FHOD3: variants seen among roughly 807,000 people sequenced by gnomAD.
FHOD3 encodes the protein formin homology 2 domain containing 3.
FHOD3 carries 90 observed loss-of-function variants against 173.0 expected under a neutral mutation model. The ratio of observed to expected loss-of-function variants is 0.52; its 90% CI spans 0.44 to 0.62. The LOEUF is 0.62. FHOD3 is among the 20% of genes least tolerant of loss of function. The probability of loss-of-function intolerance (pLI) is 0.00; values close to 1 mark genes in which losing one functional copy is unlikely to be tolerated. For missense variants in FHOD3, 1,945 were observed against 2,034.7 expected (o/e 0.96, Z 0.85); for synonymous variants, 828 against 823.0 (o/e 1.01, Z -0.10).
At position 36,652,694 on chromosome 18, in the gene FHOD3, G is replaced by A. The variant is rs72895597; in HGVS notation, c.1411G>A (p.Gly471Arg). Residue 471 changes from glycine (G) to arginine (R), a missense_variant, in exon 12 of 29, where the codon GGG becomes AGG. Gly to Arg is a moderately radical substitution (Grantham distance 125). This residue lies in a region of FHOD3 where 1,099 missense variants were observed against 1,051.2 expected (regional missense o/e 1.05). Transcript: ENST00000590592. ...GCCGCTTCTGGTTGGCACTGCAGGC[G>A]GGACCACCTGGCACAGTGGGTCCTC... The part of the protein sequence containing the change: ...GKPLLVGTAG[G>R]TTWHSGSSGS... The A allele has an allele frequency of 0.16, 246,393 of 1,535,556 alleles. 22,052 individuals are homozygous for A. The highest frequency in any genetic ancestry group is 0.18 in the Non-Finnish European group (209,486 of 1,146,636).
At chr18:36,641,309 T>G (rs2035289111) in intron 10 of FHOD3, among the ~76,000 whole-genome samples, 1 of 152,138 alleles carries the variant, frequency 6.6e-6, no homozygotes, top group South Asian at 2.1e-4. Flanking sequence ...TGTGTAAGGC[T>G]AGGGTGAGGA....
chr18:36,431,926 G>A (rs2050573503), intron 3 of FHOD3, among the ~76,000 whole-genome samples: 2 of 152,158 alleles, frequency 1.3e-5, no homozygotes, highest in Admixed American at 1.3e-4. Context: ...CATCACATGT[G>A]GTACCTGTCC....
intron 3 of FHOD3, among the ~76,000 whole-genome samples, chr18:36,447,514 T>C (rs2051565240): frequency 6.6e-6 from 1 of 152,062 alleles, no homozygotes; most frequent in Non-Finnish European, 1.5e-5. Flanking sequence ...TTTCCCCCAA[T>C]AGGGTGGCAA....
chr18:36,455,229 C>A lies in FHOD3; in HGVS notation c.338-46703C>A, dbSNP rs1178305564. On this transcript the variant is annotated intron_variant, in intron 3 of 28. Coordinates refer to ENST00000590592, the MANE Select transcript of FHOD3 (RefSeq NM_001281740.3). The stretch of plus-strand genomic sequence containing the variant: ...AATTACTCCATACCTTTCCACTCTG[C>A]AGATATCCTGCAGCAAACCTTCCTC... Among the ~76,000 whole-genome samples the A allele has an allele frequency of 2.0e-5, 3 of 152,324 alleles. No individual in the cohort carries two copies. The East Asian group carries it at 5.8e-4, about 29-fold the overall frequency.
At chr18:36,704,209 C>T (rs1301427680) in intron 17 of FHOD3, among the ~76,000 whole-genome samples, 2 of 152,210 alleles carry the variant, frequency 1.3e-5, no homozygotes, top group Non-Finnish European at 2.9e-5. Flanking sequence ...TGCAAGCCCT[C>T]GGAGCCAGGT....
At chr18:36,513,185 A>G (rs1291849711) in intron 5 of FHOD3, among the ~76,000 whole-genome samples, 1 of 151,796 alleles carries the variant, frequency 6.6e-6, no homozygotes, top group East Asian at 1.9e-4. Flanking sequence ...ATCCTGTAAA[A>G]AAAAAAAAAA....
At chr18:36,301,901 C>T (rs757138083) in intron 1 of FHOD3, among the ~76,000 whole-genome samples, 4 of 152,160 alleles carry the variant, frequency 2.6e-5, no homozygotes, top group Admixed American at 1.3e-4. Flanking sequence ...TTTTGTTGCC[C>T]GGAGTGAGCT....
chr18:36,345,329 A>G (rs1568150536), intron 1 of FHOD3, among the ~76,000 whole-genome samples: 1 of 152,252 alleles, frequency 6.6e-6, no homozygotes, highest in African/African-American at 2.4e-5. Flanking sequence ...CAAAGAAGAA[A>G]TCCCAGTGAA....
At chr18:36,646,675 A>G (rs2035706350) in intron 10 of FHOD3, among the ~76,000 whole-genome samples, 1 of 152,222 alleles carries the variant, frequency 6.6e-6, no homozygotes, top group Non-Finnish European at 1.5e-5. Context: ...CTTACATGAT[A>G]ACAAAAATCA....
In FHOD3 at chr18:36,709,180, G is replaced by A. The variant is rs1009568043; in HGVS notation, c.2322G>A (p.Gln774=). The part of the protein sequence containing the change: ...GAGQVADEAG[Q]DIASAHEGAE... The stretch of plus-strand genomic sequence containing the variant: ...GGCAGGTTGCTGATGAAGCTGGCCA[G>A]GACATAGCCTCTGCCCACGAGGGTG... Residue 774 remains glutamine, a synonymous_variant, in exon 18 of 29, where the codon CAG becomes CAA. Transcript: ENST00000590592. 5 of 1,614,078 alleles carry A rather than the reference G, an allele frequency of 3.1e-6. No individual in the cohort carries two copies. The African/African-American group carries it at 6.7e-5, about 22-fold the overall frequency.
At chr18:36,671,646 G>A (rs185595568) in intron 14 of FHOD3, among the ~76,000 whole-genome samples, 12 of 152,322 alleles carry the variant, frequency 7.9e-5, no homozygotes, top group Non-Finnish European at 1.5e-4. Context: ...AAAGCAACAC[G>A]AAAGTGATAG....
chr18:36,342,118 A>T (rs1185383196), intron 1 of FHOD3, among the ~76,000 whole-genome samples: 2 of 152,246 alleles, frequency 1.3e-5, no homozygotes, highest in Non-Finnish European at 2.9e-5. Context: ...AAAATTAGAC[A>T]CAGATGGAGG....
At chr18:36,474,864 T>C (rs2053471693) in intron 3 of FHOD3, among the ~76,000 whole-genome samples, 1 of 152,072 alleles carries the variant, frequency 6.6e-6, no homozygotes, top group Non-Finnish European at 1.5e-5. Flanking sequence ...TCTGGACTTT[T>C]GAAAGTTTGG....
At chr18:36,681,640 A>T in intron 15 of FHOD3, 70 bp downstream of exon 15, 1 of 1,484,544 alleles carries the variant, frequency 6.7e-7, no homozygotes, top group Non-Finnish European at 9.1e-7. Context: ...TTACAACTGT[A>T]TACATTTAAT....
chr18:36,747,217 T>A, intron 24 of FHOD3, 82 bp downstream of exon 24: 1 of 1,144,912 alleles, frequency 8.7e-7, no homozygotes, highest in Non-Finnish European at 1.2e-6. Context: ...AGCCGATGGT[T>A]AAATTTACAG....
At chr18:36,477,551 C>G (rs1425138077) in intron 3 of FHOD3, among the ~76,000 whole-genome samples, 2 of 70,172 alleles carry the variant, frequency 2.9e-5, no homozygotes, top group African/African-American at 9.8e-5. Flanking sequence ...ACCCACCTAC[C>G]TACCTACCTA....
intron 10 of FHOD3, among the ~76,000 whole-genome samples, chr18:36,643,052 G>T (rs2035445842): frequency 1.3e-5 from 2 of 151,710 alleles, no homozygotes; most frequent in African/African-American, 4.8e-5. Flanking sequence ...TTATGTTTCT[G>T]GTGGTCGTCC....
intron 5 of FHOD3, among the ~76,000 whole-genome samples, chr18:36,565,629 A>G (rs562745718): frequency 3.4e-5 from 5 of 149,244 alleles, no homozygotes; most frequent in East Asian, 1.9e-4. Flanking sequence ...CATACCATTC[A>G]TTTATTTTTT....
intron 5 of FHOD3, among the ~76,000 whole-genome samples, chr18:36,533,015 T>C (rs12455828): frequency 0.58 from 88,442 of 151,994 alleles, 25,740 homozygotes; most frequent in East Asian, 0.63. Flanking sequence ...GGAGGGGCTT[T>C]GTAAGGATCC....
Sources: allele counts gnomAD v4.1 joint callset (sites outside exome capture counted in the v4.1 genomes callset), GRCh38; gene constraint gnomAD v4.1.1; regional missense constraint gnomAD v4.1.1; transcripts MANE v1.5; gene names NCBI Gene and HGNC (gene_info 2026-07-23, HGNC 2026-07-21).